The following PRLHR variants were observed in gnomAD, a reference collection of about 807,000 sequenced individuals.
PRLHR encodes prolactin releasing hormone receptor.
Under a neutral mutation model 9.3 loss-of-function variants are expected in PRLHR, and 10 were observed. That is an observed-to-expected ratio of 1.08 (90% CI 0.66 to 1.82). The LOEUF (loss-of-function observed/expected upper bound fraction) is 1.82. PRLHR is among the 40% of genes most tolerant of loss of function. The pLI, the probability that PRLHR is intolerant of heterozygous loss-of-function variation, is 0.00. For synonymous variants in PRLHR, 261 were observed against 249.3 expected (o/e 1.05, Z -0.44); for missense variants, 589 against 512.0 (o/e 1.15, Z -1.45).
rs1439867667 is a variant in PRLHR, at chr10:118,591,094, TTTG to T, written c.*3035_*3037del. 1.3e-5 allele frequency: 2 copies of T among 148,340 alleles called. No individual in the cohort carries two copies. Among genetic ancestry groups the T allele is most frequent in the Non-Finnish European group, 3.0e-5 (2 of 67,304 alleles). The allele number at this position is 148,340 out of a possible 1,614,324, so 9.2% of individuals were successfully genotyped here. On this transcript the variant is annotated 3_prime_UTR_variant, in exon 2 of 2. Transcript: ENST00000239032. ...TATGTAAATTTGTTTTTTGTTGTTT[TTTG>T]TTGTTTTTGTTTTTTTTGTTTTTTT...
rs1345739678 is a variant in PRLHR at position 118,592,558 on chromosome 10, G to A, written c.*1574C>T. 1 of 152,160 alleles carries A rather than the reference G, an allele frequency of 6.6e-6. No individual in the cohort carries two copies. The highest frequency in any genetic ancestry group is 6.5e-5 in the Admixed American group (1 of 15,270). 9.4% of individuals were successfully genotyped at this position (152,160 alleles called of 1,614,324 possible). A position where few individuals can be genotyped will look rare whatever the true frequency, so the allele number is the denominator to read the frequency against. Reference sequence around the variant, plus strand: ...AAGCCAGCCTTTCCTACCCTTTACTGTGTGCAAAAAGTCTAGCCCTGTAAC... The same window carrying A: ...AAGCCAGCCTTTCCTACCCTTTACTATGTGCAAAAAGTCTAGCCCTGTAAC... On this transcript the variant is annotated 3_prime_UTR_variant, in exon 2 of 2. Coordinates refer to ENST00000239032, the MANE Select transcript of PRLHR (RefSeq NM_004248.3).
Position 118,594,808 on chromosome 10 carries a change from T to G in PRLHR, c.437A>C (p.Tyr146Ser). The G allele has an allele frequency of 6.2e-7, 1 of 1,612,674 alleles. No homozygotes were observed. The highest frequency in any genetic ancestry group is 8.5e-7 in the Non-Finnish European group (1 of 1,179,860). Residue 146 changes from tyrosine (Y) to serine (S), a missense_variant, in exon 2 of 2, where the codon TAT becomes TCT. Tyr to Ser is a moderately radical substitution (Grantham distance 144). Coordinates refer to ENST00000239032, the MANE Select transcript of PRLHR (RefSeq NM_004248.3). ...GGTGGTGAGCGTGAACACCGACACA[T>G]AGACGGTGACCGGCTGCAGGAAGAA... is the stretch of plus-strand genomic sequence containing the variant. ...LVFFLQPVTV[Y>S]VSVFTLTTIA...
intron 1 of PRLHR, 124 bp from the exon 2 acceptor site, chr10:118,595,374 G>T: frequency 1.2e-6 from 1 of 837,546 alleles, no homozygotes; most frequent in Non-Finnish European, 1.8e-6. Flanking sequence ...CAGAACAACA[G>T]CAAAAGTAGC....
rs1411379021 is a variant in PRLHR, at chr10:118,594,547, G to A, written c.698C>T (p.Thr233Ile). 8 of 1,565,854 alleles carry A rather than the reference G, an allele frequency of 5.1e-6. No homozygotes were observed. The highest frequency in any genetic ancestry group is 4.7e-5 in the East Asian group (2 of 42,288). Residue 233 changes from threonine (T) to isoleucine (I), a missense_variant, in exon 2 of 2, where the codon ACC becomes ATC. Physicochemically the swap from Thr to Ile is moderately conservative, Grantham distance 89 (BLOSUM62 -1). Coordinates refer to ENST00000239032, the MANE Select transcript of PRLHR (RefSeq NM_004248.3). ...QLYAWGLLLV[T>I]YLLPLLVILL... ...GATGACCAGCAGAGGGAGCAGGTAG[G>A]TGACCAGCAGCAGCCCCCAGGCGTA...
rs1180981706 is a variant in PRLHR, at chr10:118,592,631, C to G, written c.*1501G>C. 1 of 152,254 alleles carries G rather than the reference C, an allele frequency of 6.6e-6. No individual in the cohort carries two copies. Among genetic ancestry groups the G allele is most frequent in the Non-Finnish European group, 1.5e-5 (1 of 68,072 alleles). 9.4% of individuals were successfully genotyped at this position (152,254 alleles called of 1,614,324 possible). A position where few individuals can be genotyped will look rare whatever the true frequency, so the allele number is the denominator to read the frequency against. ...CAGCCCAACCGTGATCACTCCCACT[C>G]CCACCATGGTTGTTGACATGAATGT... On this transcript the variant is annotated 3_prime_UTR_variant, in exon 2 of 2. Coordinates refer to ENST00000239032, the MANE Select transcript of PRLHR (RefSeq NM_004248.3).
rs1589783963 is a variant in PRLHR, at chr10:118,594,142, A to G, written c.1103T>C (p.Val368Ala). Residue 368 changes from valine to alanine, a missense_variant, in exon 2 of 2, where the codon GTG (valine) becomes GCG (alanine). By Grantham distance (64) the Val-to-Ala change is moderately conservative. Transcript: ENST00000239032. ...APHGQNMTVS[V>A]VI The stretch of plus-strand genomic sequence containing the variant: ...CCTGGCTAAGTGGCATCAGATGACC[A>G]CGCTGACGGTCATATTCTGGCCATG... 1 of 1,521,958 alleles carries G rather than the reference A, an allele frequency of 6.6e-7. No homozygotes were observed. Among genetic ancestry groups the G allele is most frequent in the African/African-American group, 1.4e-5 (1 of 72,094 alleles). The allele number at this position is 1,521,958 out of a possible 1,614,324, so 94.3% of individuals were successfully genotyped here. A position where few individuals can be genotyped will look rare whatever the true frequency, so the allele number is the denominator to read the frequency against.
chr10:118,595,131 C>A lies in PRLHR; in HGVS notation c.114G>T (p.Ser38=), dbSNP rs759397071. 3.1e-6 allele frequency: 5 copies of A among 1,599,718 alleles called. No homozygotes were observed. In the South Asian group the frequency reaches 4.4e-5, roughly 14 times the overall value. Residue 38 remains serine, a synonymous_variant, in exon 2 of 2, where the codon TCG becomes TCT. Coordinates refer to ENST00000239032, the MANE Select transcript of PRLHR (RefSeq NM_004248.3). ...CGGCTGGAGCGTCCGCGCCAGCCACCGACCCGTTGCCCGCCGAGGCCTCTG... is the reference window on the plus strand; with the variant it reads ...CGGCTGGAGCGTCCGCGCCAGCCACAGACCCGTTGCCCGCCGAGGCCTCTG... ...QSAEASAGNG[S]VAGADAPAVT...
chr10:118,592,639 G>A lies in PRLHR; in HGVS notation c.*1493C>T, dbSNP rs1335468824. 1 of 152,160 alleles carries A rather than the reference G, an allele frequency of 6.6e-6. No individual in the cohort carries two copies. Among genetic ancestry groups the A allele is most frequent in the African/African-American group, 2.4e-5 (1 of 41,416 alleles). The allele number at this position is 152,160 out of a possible 1,614,324, so 9.4% of individuals were successfully genotyped here. Reference sequence around the variant, plus strand: ...CCGTGATCACTCCCACTCCCACCATGGTTGTTGACATGAATGTAATAGGAT... The same window carrying A: ...CCGTGATCACTCCCACTCCCACCATAGTTGTTGACATGAATGTAATAGGAT... On this transcript the variant is annotated 3_prime_UTR_variant, in exon 2 of 2. Transcript: ENST00000239032.
Position 118,594,146 on chromosome 10 carries a change from TGAC to T in PRLHR, c.1096_1098del (p.Val366del). 1 of 1,524,338 alleles carries T rather than the reference TGAC, an allele frequency of 6.6e-7. No individual in the cohort carries two copies. The highest frequency in any genetic ancestry group is 1.3e-5 in the South Asian group (1 of 77,768). The allele number at this position is 1,524,338 out of a possible 1,614,324, so 94.4% of individuals were successfully genotyped here. A position where few individuals can be genotyped will look rare whatever the true frequency, so the allele number is the denominator to read the frequency against. ...GCTAAGTGGCATCAGATGACCACGC[TGAC>T]GGTCATATTCTGGCCATGGGGGGCT... is the stretch of plus-strand genomic sequence containing the variant. On this transcript the variant is annotated inframe_deletion, in exon 2 of 2. Transcript: ENST00000239032.
chr10:118,594,088 C>T lies in PRLHR; in HGVS notation c.*44G>A. 1 of 1,505,586 alleles carries T rather than the reference C, an allele frequency of 6.6e-7. No individual in the cohort carries two copies. The highest frequency in any genetic ancestry group is 1.4e-5 in the South Asian group (1 of 72,984). The allele number at this position is 1,505,586 out of a possible 1,614,324, so 93.3% of individuals were successfully genotyped here. A position where few individuals can be genotyped will look rare whatever the true frequency, so the allele number is the denominator to read the frequency against. On this transcript the variant is annotated 3_prime_UTR_variant, in exon 2 of 2. Transcript: ENST00000239032. Reference sequence around the variant, plus strand: ...TGACCTCGAGTGGTGCCCTAGGAGGCCAGTTGAAGTGGAGCTCCTTGACCA... The same window carrying T: ...TGACCTCGAGTGGTGCCCTAGGAGGTCAGTTGAAGTGGAGCTCCTTGACCA...
Position 118,595,136 on chromosome 10 carries a change from C to G in PRLHR, c.109G>C (p.Gly37Arg), listed in dbSNP as rs763541855. 16 of 1,598,622 alleles carry G rather than the reference C, an allele frequency of 1.0e-5. No individual in the cohort carries two copies. The East Asian group carries it at 2.5e-4, about 25-fold the overall frequency. The change falls in exon 2 of 2, where the codon GGG (glycine) becomes CGG (arginine). Residue 37 changes from glycine (G) to arginine (R), a missense_variant. Transcript: ENST00000239032. ...GGAGCGTCCGCGCCAGCCACCGACC[C>G]GTTGCCCGCCGAGGCCTCTGCGCTC... ...NQSAEASAGNGSVAGADAPAV... is the reference protein window; with the variant it reads ...NQSAEASAGNRSVAGADAPAV...
chr10:118,595,435 A>G (rs2133394659), intron 1 of PRLHR, 81 bp downstream of exon 1: 2 of 494,156 alleles, frequency 4.0e-6, no homozygotes, highest in Admixed American at 7.3e-5. Context: ...CACGGTTAGA[A>G]CATACGGTTT....
In PRLHR at chr10:118,592,114, GC is replaced by G; in HGVS notation, c.*2017del. The G allele has an allele frequency of 6.6e-6, 1 of 151,326 alleles. No individual in the cohort carries two copies. Among genetic ancestry groups the G allele is most frequent in the Non-Finnish European group, 1.5e-5 (1 of 67,914 alleles). The allele number at this position is 151,326 out of a possible 1,614,324, so 9.4% of individuals were successfully genotyped here. ...AATCAACTAGACTCTTGGGAGGAGA[GC>G]CCAGACATCAATTACAAAAAGAAAA... On this transcript the variant is annotated 3_prime_UTR_variant, in exon 2 of 2. Transcript: ENST00000239032.
rs572826543 is a variant in PRLHR, at chr10:118,590,547, G to A, written c.*3585C>T. The A allele has an allele frequency of 1.3e-5, 2 of 152,320 alleles. No individual in the cohort carries two copies. Among genetic ancestry groups the A allele is most frequent in the East Asian group, 3.9e-4 (2 of 5,186 alleles). The allele number at this position is 152,320 out of a possible 1,614,324, so 9.4% of individuals were successfully genotyped here. A position where few individuals can be genotyped will look rare whatever the true frequency, so the allele number is the denominator to read the frequency against. ...GACCTGGTGACAAAGCTTGCAAAGA[G>A]GATTACAGAACCTCCCATCAGCCTT... On this transcript the variant is annotated 3_prime_UTR_variant, in exon 2 of 2. Transcript: ENST00000239032.
rs932160743 is a variant in PRLHR at position 118,591,671 on chromosome 10, G to C, written c.*2461C>G. Reference sequence around the variant, plus strand: ...ACTAAAGCTTCATTCGGATGTTTCTGAGATTCATTAGAAAGAGGATTCCCG... The same window carrying C: ...ACTAAAGCTTCATTCGGATGTTTCTCAGATTCATTAGAAAGAGGATTCCCG... On this transcript the variant is annotated 3_prime_UTR_variant, in exon 2 of 2. Transcript: ENST00000239032. 3 of 151,852 alleles carry C rather than the reference G, an allele frequency of 2.0e-5. No individual in the cohort carries two copies. Among genetic ancestry groups the C allele is most frequent in the Non-Finnish European group, 4.4e-5 (3 of 67,994 alleles). 9.4% of individuals were successfully genotyped at this position (151,852 alleles called of 1,614,324 possible). A position where few individuals can be genotyped will look rare whatever the true frequency, so the allele number is the denominator to read the frequency against.
Position 118,594,767 on chromosome 10 carries a change from A to G in PRLHR, c.478T>C (p.Tyr160His). Reference protein sequence around the residue: ...FTLTTIAVDRYVVLVHPLRRR... With the variant: ...FTLTTIAVDRHVVLVHPLRRR... ...CTCAGCGGGTGCACCAGCACGACGTAGCGGTCCACTGCGATGGTGGTGAGC... is the reference window on the plus strand; with the variant it reads ...CTCAGCGGGTGCACCAGCACGACGTGGCGGTCCACTGCGATGGTGGTGAGC... Residue 160 changes from tyrosine (Y) to histidine (H), a missense_variant, in exon 2 of 2, where the codon TAC (tyrosine) becomes CAC (histidine). By Grantham distance (83) the Tyr-to-His change is moderately conservative (BLOSUM62 2). Coordinates refer to ENST00000239032, the MANE Select transcript of PRLHR (RefSeq NM_004248.3). 1 of 1,610,744 alleles carries G rather than the reference A, an allele frequency of 6.2e-7. No homozygotes were observed. The highest frequency in any genetic ancestry group is 8.5e-7 in the Non-Finnish European group (1 of 1,179,698).
At position 118,592,296 on chromosome 10, in the gene PRLHR, C is replaced by T. The variant is rs1844439388; in HGVS notation, c.*1836G>A. ...TCTCCACACATGACCATCAAAGGAA[C>T]TCTCTGAGGAAATGAGAAATGTCTG... is the stretch of plus-strand genomic sequence containing the variant. On this transcript the variant is annotated 3_prime_UTR_variant, in exon 2 of 2. Transcript: ENST00000239032. The T allele has an allele frequency of 6.6e-6, 1 of 152,194 alleles. No individual in the cohort carries two copies. The highest frequency in any genetic ancestry group is 6.5e-5 in the Admixed American group (1 of 15,284). The allele number at this position is 152,194 out of a possible 1,614,324, so 9.4% of individuals were successfully genotyped here.
rs764296154 is a variant in PRLHR, at chr10:118,591,527, A to G, written c.*2605T>C. 6.6e-6 allele frequency: 1 copy of G among 152,192 alleles called. No homozygotes were observed. The highest frequency in any genetic ancestry group is 1.5e-5 in the Non-Finnish European group (1 of 68,034). The allele number at this position is 152,192 out of a possible 1,614,324, so 9.4% of individuals were successfully genotyped here. A position where few individuals can be genotyped will look rare whatever the true frequency, so the allele number is the denominator to read the frequency against. On this transcript the variant is annotated 3_prime_UTR_variant, in exon 2 of 2. Coordinates refer to ENST00000239032, the MANE Select transcript of PRLHR (RefSeq NM_004248.3). ...CGAATCCCTATATATTCTGATTTCA[A>G]TAATTTGCCTCTTTGTGATTGAGCT...
At position 118,595,539 on chromosome 10, in the gene PRLHR, G is replaced by A. The variant is rs558897730; in HGVS notation, c.-30C>T. The A allele has an allele frequency of 1.7e-5, 5 of 295,712 alleles. No individual in the cohort carries two copies. The South Asian group carries it at 7.1e-4, about 42-fold the overall frequency. 18.3% of individuals were successfully genotyped at this position (295,712 alleles called of 1,614,324 possible). On this transcript the variant is annotated 5_prime_UTR_variant, in exon 1 of 2. Transcript: ENST00000239032. ...ACCTGGGAGTGGGGTTTGGAGAGCG[G>A]GAAAGCACTCGCGGGAAGAAGGGGC...
Sources: allele counts gnomAD v4.1 joint callset, GRCh38; gene constraint gnomAD v4.1.1; transcripts MANE v1.5; gene names NCBI Gene and HGNC (gene_info 2026-07-23, HGNC 2026-07-21).